Variants in SETD1A observed in about 807,000 individuals in gnomAD.
SETD1A encodes SET domain containing 1A, histone lysine methyltransferase.
SETD1A carries 29 observed loss-of-function variants against 149.9 expected under a neutral mutation model. The observed-to-expected ratio is 0.19, with a 90% CI of 0.14 to 0.26. The LOEUF is 0.26. Among genes scored for constraint, SETD1A ranks in the 10% least tolerant of loss-of-function variants. The pLI is 1.00. For synonymous variants in SETD1A, 1,141 were observed against 968.5 expected (o/e 1.18, Z -3.31); for missense variants, 2,109 against 2,353.1 (o/e 0.90, Z 2.15).
chr16:30,984,077 C>A lies in SETD1A; in HGVS notation c.*54C>A. 9 of 1,511,068 alleles carry A rather than the reference C, an allele frequency of 6.0e-6. No individual in the cohort carries two copies. Among genetic ancestry groups the A allele is most frequent in the Non-Finnish European group, 8.1e-6 (9 of 1,113,184 alleles). 93.6% of individuals were successfully genotyped at this position (1,511,068 alleles called of 1,614,324 possible). A position where few individuals can be genotyped will look rare whatever the true frequency, so the allele number is the denominator to read the frequency against. The stretch of plus-strand genomic sequence containing the variant: ...TATTTATTCCCCCTGGTGCCCTGAG[C>A]TCCCAGCACCCCCCCAGCCTTAGTG... On this transcript the variant is annotated 3_prime_UTR_variant, in exon 19 of 19. Transcript: ENST00000262519.
chr16:30,963,949 G>A (rs1438614931), intron 5 of SETD1A, 145 bp from the exon 6 acceptor site: 4 of 679,604 alleles, frequency 5.9e-6, no homozygotes, highest in East Asian at 2.7e-5. Flanking sequence ...CCGAGATCAC[G>A]CCACTGGACT....
intron 3 of SETD1A, among the ~76,000 whole-genome samples, chr16:30,960,637 A>C (rs2056038525): frequency 6.6e-6 from 1 of 150,964 alleles, no homozygotes; most frequent in South Asian, 2.1e-4. Flanking sequence ...CATGGTAGTT[A>C]CCTAGTAAAG....
chr16:30,976,727 G>A (rs183159527), intron 13 of SETD1A, among the ~76,000 whole-genome samples: 1 of 152,236 alleles, frequency 6.6e-6, no homozygotes, highest in Admixed American at 6.5e-5. Context: ...CTTGAGGGGA[G>A]CTGAGGGTGA....
At chr16:30,958,447 A>C in intron 1 of SETD1A, 19 of 359,116 alleles carry the variant, frequency 5.3e-5, no homozygotes, top group Non-Finnish European at 5.7e-5. Context: ...TCCGAGGCCA[A>C]GTGGGGCGCG....
Position 30,961,589 on chromosome 16 carries a change from C to T in SETD1A, c.517+52C>T, listed in dbSNP as rs1465213000. Reference sequence around the variant, plus strand: ...GGCTTGGCCTCCAGCGGAGGTTGTACATGCAAATGCCTGTCAGGGTCAGGC... The same window carrying T: ...GGCTTGGCCTCCAGCGGAGGTTGTATATGCAAATGCCTGTCAGGGTCAGGC... On this transcript the variant is annotated intron_variant, in intron 4 of 18. Coordinates refer to ENST00000262519, the MANE Select transcript of SETD1A (RefSeq NM_014712.3). This position sits in a 1 kb window ranked among gnomAD's most constrained non-coding sequence, Gnocchi z 4.0. The T allele has an allele frequency of 1.3e-6, 2 of 1,574,470 alleles. No individual in the cohort carries two copies. The highest frequency in any genetic ancestry group is 3.9e-4 in the Middle Eastern group (2 of 5,074).
chr16:30,962,973 G>GT (rs2056075098), intron 4 of SETD1A, among the ~76,000 whole-genome samples: 1 of 152,212 alleles, frequency 6.6e-6, no homozygotes, highest in African/African-American at 2.4e-5. Flanking sequence ...CTCACAAGGT[G>GT]TTTCTGAGGT....
chr16:30,970,476 C>T (rs192264649), intron 12 of SETD1A, among the ~76,000 whole-genome samples: 275 of 152,126 alleles, frequency 1.8e-3, no homozygotes, highest in African/African-American at 6.2e-3. Flanking sequence ...CCATGTTGGC[C>T]AGGCTGGTCC....
chr16:30,967,178 GAGTC>G, intron 9 of SETD1A, 118 bp downstream of exon 9: 1 of 764,776 alleles, frequency 1.3e-6, no homozygotes, highest in South Asian at 1.9e-5. Context: ...TTTTGAGATG[GAGTC>G]TTACTCTGTT....
chr16:30,965,134 C>T lies in SETD1A; in HGVS notation c.1392C>T (p.Ser464=). Reference sequence around the variant, plus strand: ...TTCGGACTTCCCCCCGCCCAGCCTCCCCTGCCCGCTCTGGCTCCCCAGCCC... The same window carrying T: ...TTCGGACTTCCCCCCGCCCAGCCTCTCCTGCCCGCTCTGGCTCCCCAGCCC... ...EEVRTSPRPA[S]PARSGSPAPE... is the part of the protein sequence containing the mutation. Residue 464 remains serine (S), a synonymous_variant, in exon 7 of 19, where the codon TCC becomes TCT. Transcript: ENST00000262519. 3 of 1,612,896 alleles carry T rather than the reference C, an allele frequency of 1.9e-6. No individual in the cohort carries two copies. The highest frequency in any genetic ancestry group is 2.5e-6 in the Non-Finnish European group (3 of 1,179,952).
chr16:30,961,398 C>T lies in SETD1A; in HGVS notation c.378C>T (p.Leu126=), dbSNP rs2056049907. 6.2e-7 allele frequency: 1 copy of T among 1,614,240 alleles called. No homozygotes were observed. Among genetic ancestry groups the T allele is most frequent in the Non-Finnish European group, 8.5e-7 (1 of 1,180,046 alleles). ...KYGEVEEVEI[L]LHPRTRKHLG... The stretch of plus-strand genomic sequence containing the variant: ...GTGAGGTGGAAGAGGTAGAGATCCT[C>T]CTTCACCCCCGTACGCGCAAGCACC... The change falls in exon 4 of 19, where the codon CTC becomes CTT. Residue 126 remains leucine (L), a synonymous_variant. Transcript: ENST00000262519. The surrounding 1 kb of genome is among the most constrained non-coding windows in gnomAD (Gnocchi z 4.0).
At position 30,961,837 on chromosome 16, in the gene SETD1A, C is replaced by T. The variant is rs548652394; in HGVS notation, c.517+300C>T. Among the ~76,000 whole-genome samples, 1 of 151,998 alleles carries T rather than the reference C, an allele frequency of 6.6e-6. No homozygotes were observed. Among genetic ancestry groups the T allele is most frequent in the Non-Finnish European group, 1.5e-5 (1 of 67,978 alleles). Reference sequence around the variant, plus strand: ...ATGAATAGATTGTAGTAAATCAGCCCAGGTCAGGTTGGTTGCTTGGTTGGT... The same window carrying T: ...ATGAATAGATTGTAGTAAATCAGCCTAGGTCAGGTTGGTTGCTTGGTTGGT... On this transcript the variant is annotated intron_variant, in intron 4 of 18. Coordinates refer to ENST00000262519, the MANE Select transcript of SETD1A (RefSeq NM_014712.3). The surrounding 1 kb of genome is among the most constrained non-coding windows in gnomAD (Gnocchi z 4.0).
chr16:30,970,166 A>G (rs1445350505), intron 12 of SETD1A, among the ~76,000 whole-genome samples: 1 of 151,082 alleles, frequency 6.6e-6, no homozygotes, highest in Non-Finnish European at 1.5e-5. Context: ...ACAGGGTTTC[A>G]CTATGTTGGC....
chr16:30,970,931 T>C (rs1377104152), intron 12 of SETD1A, among the ~76,000 whole-genome samples: 1 of 152,208 alleles, frequency 6.6e-6, no homozygotes, highest in Non-Finnish European at 1.5e-5. Flanking sequence ...ATAGAGCCTG[T>C]CGTGTTTTTT....
In SETD1A at chr16:30,958,700, C is replaced by T. The variant is rs764790942; in HGVS notation, c.-15-17C>T. 22 of 1,611,142 alleles carry T rather than the reference C, an allele frequency of 1.4e-5. No homozygotes were observed. Among genetic ancestry groups the T allele is most frequent in the Middle Eastern group, 1.6e-4 (1 of 6,078 alleles). ...CCAAGTCCTGATCCTTCTTGCGTGT[C>T]CCTCTTCCCCTAACAGTGTAAATGA... On this transcript the variant is annotated splice_polypyrimidine_tract_variant and intron_variant, in intron 1 of 18. Transcript: ENST00000262519.
chr16:30,966,860 G>T, intron 8 of SETD1A, 24 bp from the exon 9 acceptor site: 1 of 1,534,566 alleles, frequency 6.5e-7, no homozygotes, highest in South Asian at 1.2e-5. Context: ...GGGCGCTGGG[G>T]CTCAGCCCCA....
rs1047540808 is a variant in SETD1A at position 30,957,825 on chromosome 16, C to T, written c.-155C>T. On this transcript the variant is annotated 5_prime_UTR_variant, in exon 1 of 19. Transcript: ENST00000262519. ...CTCTCCGGGGGATGCGGCCAATCTC[C>T]AAGCTCCCTGGGCCGCAACTTCCGA... is the stretch of plus-strand genomic sequence containing the variant. 2 of 152,274 alleles carry T rather than the reference C, an allele frequency of 1.3e-5. No individual in the cohort carries two copies. The highest frequency in any genetic ancestry group is 2.4e-5 in the African/African-American group (1 of 41,470). The allele number at this position is 152,274 out of a possible 1,614,324, so 9.4% of individuals were successfully genotyped here.
At position 30,981,274 on chromosome 16, in the gene SETD1A, A is replaced by G. The variant is rs2056374230; in HGVS notation, c.4812+94A>G. 3.3e-6 allele frequency: 5 copies of G among 1,508,346 alleles called. No homozygotes were observed. The African/African-American group carries it at 5.5e-5, about 16-fold the overall frequency. The allele number at this position is 1,508,346 out of a possible 1,614,324, so 93.4% of individuals were successfully genotyped here. The stretch of plus-strand genomic sequence containing the variant: ...GCTGTTTGTCCGGTTAAAGCCTTGC[A>G]CACTCCCTAACCCCGGTACCTAGCC... On this transcript the variant is annotated intron_variant, in intron 17 of 18. Transcript: ENST00000262519.
At chr16:30,962,107 C>T (rs1567350218) in intron 4 of SETD1A, among the ~76,000 whole-genome samples, 2 of 149,722 alleles carry the variant, frequency 1.3e-5, no homozygotes, top group Non-Finnish European at 3.0e-5. Flanking sequence ...ATCTGTCGCC[C>T]AGGCTGGAGT....
In SETD1A at chr16:30,966,942, T is replaced by C; in HGVS notation, c.2564T>C (p.Leu855Pro). The change falls in exon 9 of 19, where the codon CTG becomes CCG. Residue 855 changes from leucine (L) to proline (P), a missense_variant. This residue lies in a region of SETD1A where 832 missense variants were observed against 815.6 expected (regional missense o/e 1.02). Coordinates refer to ENST00000262519, the MANE Select transcript of SETD1A (RefSeq NM_014712.3). ...AKEEDKEKTK[L>P]KEPGLLSLVD... ...GAGGAGGATAAAGAGAAGACGAAGC[T>C]GAAGGAGCCTGGCCTGCTGTCCCTC... 2 of 1,579,790 alleles carry C rather than the reference T, an allele frequency of 1.3e-6. No individual in the cohort carries two copies. Among genetic ancestry groups the C allele is most frequent in the South Asian group, 2.3e-5 (2 of 86,360 alleles).
Sources: allele counts gnomAD v4.1 joint callset (sites outside exome capture counted in the v4.1 genomes callset), GRCh38; gene constraint gnomAD v4.1.1; regional missense constraint gnomAD v4.1.1; non-coding constraint Gnocchi (gnomAD v3.1); transcripts MANE v1.5; gene names NCBI Gene and HGNC (gene_info 2026-07-23, HGNC 2026-07-21).